The following PPARD variants were observed in gnomAD, a reference collection of about 807,000 sequenced individuals.
PPARD encodes peroxisome proliferator activated receptor delta, also known as peroxisome proliferator-activated receptor delta.
Under a neutral mutation model 39.5 loss-of-function variants are expected in PPARD, and 6 were observed. The observed-to-expected ratio is 0.15, with a 90% confidence interval of 0.08 to 0.30. The LOEUF (loss-of-function observed/expected upper bound fraction) is 0.30. Among genes scored for constraint, PPARD ranks in the 10% least tolerant of loss-of-function variants. The pLI, the probability that PPARD is intolerant of heterozygous loss-of-function variation, is 1.00. For missense variants in PPARD, 397 were observed against 596.8 expected, an observed-to-expected ratio of 0.67 and a Z score of 3.49; for synonymous variants, 210 against 231.3, an observed-to-expected ratio of 0.91 and a Z score of 0.83.
intron 2 of PPARD, among the ~76,000 whole-genome samples, chr6:35,371,190 C>T (rs563232975): frequency 2.0e-5 from 3 of 152,182 alleles, no homozygotes; most frequent in Non-Finnish European, 2.9e-5. Flanking sequence ...TTGTTAGACT[C>T]GGGAATGATG....
At chr6:35,391,495 G>T (rs1485551069) in intron 2 of PPARD, among the ~76,000 whole-genome samples, 2 of 152,190 alleles carry the variant, frequency 1.3e-5, no homozygotes, top group African/African-American at 4.8e-5. Context: ...GAGGCACAGT[G>T]GTGCCAGTTG....
intron 2 of PPARD, among the ~76,000 whole-genome samples, chr6:35,379,986 CAGAT>C (rs1286961917): frequency 6.6e-6 from 1 of 152,172 alleles, no homozygotes; most frequent in Non-Finnish European, 1.5e-5. Flanking sequence ...TGTGGAGTCT[CAGAT>C]AGTTTCTTTA....
At chr6:35,343,496 CTACTT>C (rs1184895015) in intron 1 of PPARD, among the ~76,000 whole-genome samples, 1 of 150,918 alleles carries the variant, frequency 6.6e-6, no homozygotes, top group African/African-American at 2.5e-5. Flanking sequence ...ACACTCTACT[CTACTT>C]TCACTTGACC....
At chr6:35,402,684 C>T (rs544529335) in intron 2 of PPARD, among the ~76,000 whole-genome samples, 2 of 152,280 alleles carry the variant, frequency 1.3e-5, no homozygotes, top group Admixed American at 1.3e-4. Flanking sequence ...AGGTGACTCT[C>T]TGGGCTGACT....
In PPARD at chr6:35,411,023, TCAGACC is replaced by T; in HGVS notation, c.-59_-54del. The T allele has an allele frequency of 7.2e-7, 1 of 1,389,868 alleles. No individual in the cohort carries two copies. Among genetic ancestry groups the T allele is most frequent in the African/African-American group, 1.5e-5 (1 of 67,638 alleles). The allele number at this position is 1,389,868 out of a possible 1,614,324, so 86.1% of individuals were successfully genotyped here. On this transcript the variant is annotated 5_prime_UTR_variant, in exon 3 of 8. Transcript: ENST00000360694. ...CCACCCTGTAGAGGTCCATCTGCGTTCAGACCCAGACGATGCCAGAGCTATGACTGG... is the reference window on the plus strand; with the variant it reads ...CCACCCTGTAGAGGTCCATCTGCGTTCAGACGATGCCAGAGCTATGACTGG...
chr6:35,388,725 G>T (rs915411046), intron 2 of PPARD, among the ~76,000 whole-genome samples: 3 of 151,988 alleles, frequency 2.0e-5, no homozygotes, highest in African/African-American at 7.2e-5. Flanking sequence ...CAAAAGAGGG[G>T]AAGGTAGGAA....
At chr6:35,400,044 G>A (rs781754332) in intron 2 of PPARD, among the ~76,000 whole-genome samples, 5 of 152,200 alleles carry the variant, frequency 3.3e-5, no homozygotes, top group Non-Finnish European at 7.3e-5. Flanking sequence ...TTGAACTTGA[G>A]ATCCCTGGGT....
chr6:35,357,184 T>A (rs1338013057), intron 2 of PPARD, among the ~76,000 whole-genome samples: 1 of 152,184 alleles, frequency 6.6e-6, no homozygotes, highest in Non-Finnish European at 1.5e-5. Context: ...TTTGACCTGG[T>A]GGTCATGGCA....
At chr6:35,420,529 T>TC in intron 4 of PPARD, among the ~76,000 whole-genome samples, 1 of 152,208 alleles carries the variant, frequency 6.6e-6, no homozygotes, top group South Asian at 2.1e-4. Flanking sequence ...GGTGATTGTG[T>TC]CCCCCTGGGG....
chr6:35,414,990 G>C (rs962670186), intron 3 of PPARD, among the ~76,000 whole-genome samples: 1 of 152,198 alleles, frequency 6.6e-6, no homozygotes, highest in Non-Finnish European at 1.5e-5. Context: ...TCCCCTGGGC[G>C]TGTAGGAGTA....
chr6:35,359,577 CT>C (rs1761816076), intron 2 of PPARD, among the ~76,000 whole-genome samples: 1 of 152,092 alleles, frequency 6.6e-6, no homozygotes, highest in Non-Finnish European at 1.5e-5. Flanking sequence ...TCCAACCCCC[CT>C]GGCCCGCTGT....
intron 1 of PPARD, among the ~76,000 whole-genome samples, chr6:35,346,681 C>T (rs1481298811): frequency 5.9e-5 from 9 of 152,200 alleles, no homozygotes; most frequent in Admixed American, 4.6e-4. Flanking sequence ...GCCTTCATAA[C>T]TCAGCAGGCT....
At chr6:35,398,509 G>A (rs1395251406) in intron 2 of PPARD, among the ~76,000 whole-genome samples, 2 of 152,160 alleles carry the variant, frequency 1.3e-5, no homozygotes, top group Non-Finnish European at 2.9e-5. Context: ...AGAGAAGCTG[G>A]CCTGGAGAAA....
chr6:35,356,836 A>G (rs1020848777), intron 2 of PPARD, among the ~76,000 whole-genome samples: 1 of 152,230 alleles, frequency 6.6e-6, no homozygotes, highest in Non-Finnish European at 1.5e-5. Context: ...CCTCACATCA[A>G]TAAACCTGGT....
intron 2 of PPARD, among the ~76,000 whole-genome samples, chr6:35,349,433 A>G (rs1761101903): frequency 6.6e-6 from 1 of 152,220 alleles, no homozygotes; most frequent in Admixed American, 6.5e-5. Context: ...ATCTTGGGCT[A>G]TACATAAAAT....
intron 2 of PPARD, among the ~76,000 whole-genome samples, chr6:35,409,256 A>G (rs562914507): frequency 1.3e-5 from 2 of 152,204 alleles, no homozygotes; most frequent in East Asian, 3.9e-4. Context: ...TGTAATTCCA[A>G]TACCTTGGTA....
rs1430727506 is a variant in PPARD at position 35,355,476 on chromosome 6, G to A, written c.-102+8326G>A. On this transcript the variant is annotated intron_variant, in intron 2 of 7. Transcript: ENST00000360694. ...CTGAGGTAGGAGAATCACTCAAGCC[G>A]AGGAGGTTGAGGCTGCAGTGAGCCA... is the stretch of plus-strand genomic sequence containing the variant. 4.1e-5 allele frequency among the ~76,000 whole-genome samples: 6 copies of A among 146,110 alleles called. No individual in the cohort carries two copies. In the East Asian group the frequency reaches 6.2e-4, roughly 15 times the overall value.
At position 35,424,151 on chromosome 6, in the gene PPARD, G is replaced by A. The variant is rs200382382; in HGVS notation, c.627+3G>A. ...CCGGCAAAGCCAGCCACACGGCGGT[G>A]AGTGTTGCTGCTGCTTGGCCTGGCA... On this transcript the variant is annotated splice_donor_region_variant and intron_variant, in intron 6 of 7. Coordinates refer to ENST00000360694, the MANE Select transcript of PPARD (RefSeq NM_006238.5). The surrounding 1 kb of genome is among the most constrained non-coding windows in gnomAD (Gnocchi z 7.1). The A allele has an allele frequency of 1.7e-4, 266 of 1,611,970 alleles. No homozygotes were observed. The highest frequency in any genetic ancestry group is 2.2e-4 in the Non-Finnish European group (254 of 1,179,998).
intron 2 of PPARD, among the ~76,000 whole-genome samples, chr6:35,388,169 G>T (rs190211075): frequency 6.6e-6 from 1 of 152,128 alleles, no homozygotes; most frequent in Non-Finnish European, 1.5e-5. Flanking sequence ...ATTTTTTGCA[G>T]CTTAGGATAC....
Sources: allele counts gnomAD v4.1 joint callset (sites outside exome capture counted in the v4.1 genomes callset), GRCh38; gene constraint gnomAD v4.1.1; non-coding constraint Gnocchi (gnomAD v3.1); transcripts MANE v1.5; gene names NCBI Gene and HGNC (gene_info 2026-07-23, HGNC 2026-07-21).